IQCH: variants seen among roughly 807,000 people sequenced by gnomAD.
IQCH encodes the protein IQ domain-containing protein H.
In IQCH, 98 loss-of-function variants were observed where a neutral mutation model predicts 117.0. The ratio of observed to expected loss-of-function variants is 0.84; its 90% CI spans 0.71 to 0.99. IQCH has a LOEUF of 0.99. IQCH is among the 50% of genes least tolerant of loss of function. The probability of loss-of-function intolerance (pLI) is 0.00; values close to 1 mark genes in which losing one functional copy is unlikely to be tolerated. For missense variants in IQCH, 1,102 were observed against 1,243.8 expected, an observed-to-expected ratio of 0.89 and a Z score of 1.72; for synonymous variants, 412 against 448.2, an observed-to-expected ratio of 0.92 and a Z score of 1.02.
intron 4 of IQCH, among the ~76,000 whole-genome samples, chr15:67,285,792 T>C (rs952999618): frequency 5.9e-5 from 9 of 152,138 alleles, no homozygotes; most frequent in Non-Finnish European, 1.2e-4. Context: ...GGGTTCTCTA[T>C]TCTGTTCTGT....
chr15:67,484,601 G>T (rs1367779858), intron 18 of IQCH, among the ~76,000 whole-genome samples: 1 of 148,870 alleles, frequency 6.7e-6, no homozygotes, highest in African/African-American at 2.5e-5. Flanking sequence ...AATAGCTAGG[G>T]ATGGTGGTGC....
At chr15:67,317,254 C>T (rs1328113574) in intron 4 of IQCH, among the ~76,000 whole-genome samples, 1 of 151,810 alleles carries the variant, frequency 6.6e-6, no homozygotes, top group African/African-American at 2.4e-5. Context: ...ACTCTGTAGC[C>T]CAGGCTGGCG....
chr15:67,500,482 G>C lies in IQCH; in HGVS notation c.2971-151G>C. 1 of 402,900 alleles carries C rather than the reference G, an allele frequency of 2.5e-6. No individual in the cohort carries two copies. The highest frequency in any genetic ancestry group is 4.6e-6 in the Non-Finnish European group (1 of 218,838). 25.0% of individuals were successfully genotyped at this position (402,900 alleles called of 1,614,324 possible). ...TTTTTTACTCATTTCAGCAAGACTG[G>C]TAAGCCATAATCTGTAGACAAATGC... On this transcript the variant is annotated intron_variant, in intron 20 of 20. Transcript: ENST00000335894. The surrounding 1 kb of genome is among the most constrained non-coding windows in gnomAD (Gnocchi z 4.4).
chr15:67,310,878 T>C (rs1967557987), intron 4 of IQCH, among the ~76,000 whole-genome samples: 2 of 152,138 alleles, frequency 1.3e-5, no homozygotes, highest in Admixed American at 1.3e-4. Context: ...GGTGGCGAGA[T>C]ATCTGAAAAG....
chr15:67,410,419 G>A (rs747965557), intron 14 of IQCH, among the ~76,000 whole-genome samples: 4 of 152,174 alleles, frequency 2.6e-5, no homozygotes, highest in Admixed American at 6.5e-5. Flanking sequence ...CCATCCTTAC[G>A]GTTACAAGAT....
chr15:67,485,808 G>T (rs1298590775), intron 18 of IQCH, among the ~76,000 whole-genome samples: 1 of 151,756 alleles, frequency 6.6e-6, no homozygotes, highest in Non-Finnish European at 1.5e-5. Flanking sequence ...ACAGGCACGC[G>T]CCACCATGCC....
Position 67,359,394 on chromosome 15 carries a change from A to G in IQCH, c.715-453A>G, listed in dbSNP as rs1373543461. ...GGTCCCAGATTGGTACAGCATTTCT[A>G]AATTGACTCTTCAATGGTAAATGTA... On this transcript the variant is annotated intron_variant, in intron 7 of 20. Transcript: ENST00000335894. This position sits in a 1 kb window ranked among gnomAD's most constrained non-coding sequence, Gnocchi z 4.5. 6.6e-6 allele frequency among the ~76,000 whole-genome samples: 1 copy of G among 152,212 alleles called. No individual in the cohort carries two copies. Among genetic ancestry groups the G allele is most frequent in the Admixed American group, 6.5e-5 (1 of 15,282 alleles).
intron 16 of IQCH, among the ~76,000 whole-genome samples, chr15:67,439,858 A>G (rs902229405): frequency 2.7e-5 from 4 of 149,882 alleles, no homozygotes; most frequent in African/African-American, 9.9e-5. Flanking sequence ...ATTGCACTCC[A>G]TCCTGGGCAA....
chr15:67,419,811 T>TG (rs1331768614), intron 15 of IQCH, among the ~76,000 whole-genome samples: 16 of 152,124 alleles, frequency 1.1e-4, no homozygotes, highest in Admixed American at 7.9e-4. Flanking sequence ...TTGCTTTGAG[T>TG]GGAAAAAAAG....
At chr15:67,377,424 G>A (rs1214652494) in intron 10 of IQCH, among the ~76,000 whole-genome samples, 2 of 151,960 alleles carry the variant, frequency 1.3e-5, no homozygotes, top group African/African-American at 4.8e-5. Flanking sequence ...AAATATTAGG[G>A]TCTATTTTAA....
chr15:67,357,285 C>G, intron 6 of IQCH, 60 bp from the exon 7 acceptor site: 1 of 1,147,164 alleles, frequency 8.7e-7, no homozygotes, highest in Non-Finnish European at 1.3e-6. Flanking sequence ...CCAATAGCAT[C>G]CAACCAGTGA....
chr15:67,285,725 CT>C (rs975787182), intron 4 of IQCH, among the ~76,000 whole-genome samples: 1 of 151,880 alleles, frequency 6.6e-6, no homozygotes, highest in Non-Finnish European at 1.5e-5. Flanking sequence ...TCCCTGTTGC[CT>C]TTTTTTGTCA....
At chr15:67,308,822 A>C (rs918962748) in intron 4 of IQCH, among the ~76,000 whole-genome samples, 2 of 152,086 alleles carry the variant, frequency 1.3e-5, no homozygotes, top group Non-Finnish European at 1.5e-5. Flanking sequence ...CTGTCTCACT[A>C]AAGCCCATTG....
intron 4 of IQCH, among the ~76,000 whole-genome samples, chr15:67,313,990 C>T (rs1292799649): frequency 6.6e-6 from 1 of 152,110 alleles, no homozygotes. Flanking sequence ...CAGGCAGCAC[C>T]TTCCCCTGAC....
intron 16 of IQCH, among the ~76,000 whole-genome samples, chr15:67,442,624 T>G (rs1471732247): frequency 6.6e-6 from 1 of 151,990 alleles, no homozygotes; most frequent in Non-Finnish European, 1.5e-5. Flanking sequence ...AGTGTGGAGA[T>G]TCCTTAAAGA....
rs746262191 is a variant in IQCH at position 67,254,869 on chromosome 15, G to A, written c.-28G>A. 6.2e-7 allele frequency: 1 copy of A among 1,610,962 alleles called. No individual in the cohort carries two copies. The highest frequency in any genetic ancestry group is 8.5e-7 in the Non-Finnish European group (1 of 1,178,250). Reference sequence around the variant, plus strand: ...TTCCGTGCTTGGAAACCGCGCCTCCGCGGAGGTAGCCGTTCCCTGACCTAG... The same window carrying A: ...TTCCGTGCTTGGAAACCGCGCCTCCACGGAGGTAGCCGTTCCCTGACCTAG... On this transcript the variant is annotated 5_prime_UTR_variant, in exon 1 of 21. Coordinates refer to ENST00000335894, the MANE Select transcript of IQCH (RefSeq NM_001031715.3).
intron 4 of IQCH, among the ~76,000 whole-genome samples, chr15:67,323,131 T>A (rs1164022683): frequency 6.6e-6 from 1 of 152,134 alleles, no homozygotes; most frequent in Admixed American, 6.5e-5. Flanking sequence ...CCTATCTGCC[T>A]AATTATTTAT....
intron 6 of IQCH, among the ~76,000 whole-genome samples, chr15:67,346,957 TA>T (rs960918395): frequency 2.0e-5 from 3 of 151,976 alleles, no homozygotes; most frequent in Non-Finnish European, 2.9e-5. Flanking sequence ...ACAAGGATAT[TA>T]AAAAAATATT....
rs1970253259 is a variant in IQCH, at chr15:67,364,238, A to G, written c.753+4353A>G. Among the ~76,000 whole-genome samples the G allele has an allele frequency of 1.3e-5, 2 of 152,138 alleles. No individual in the cohort carries two copies. Among genetic ancestry groups the G allele is most frequent in the African/African-American group, 2.4e-5 (1 of 41,424 alleles). On this transcript the variant is annotated intron_variant, in intron 8 of 20. Coordinates refer to ENST00000335894, the MANE Select transcript of IQCH (RefSeq NM_001031715.3). The surrounding 1 kb of genome is among the most constrained non-coding windows in gnomAD (Gnocchi z 4.1). ...GCATCTGTTATTTTTTGACCTTTTTATAATAGTCATTCTGACTGGTATGAG... is the reference window on the plus strand; with the variant it reads ...GCATCTGTTATTTTTTGACCTTTTTGTAATAGTCATTCTGACTGGTATGAG...
Sources: allele counts gnomAD v4.1 joint callset (sites outside exome capture counted in the v4.1 genomes callset), GRCh38; gene constraint gnomAD v4.1.1; non-coding constraint Gnocchi (gnomAD v3.1); transcripts MANE v1.5; gene names NCBI Gene and HGNC (gene_info 2026-07-23, HGNC 2026-07-21).